CELF3: variants seen among roughly 807,000 people sequenced by gnomAD.
CELF3 encodes CAG repeat domain.
In CELF3, 26 loss-of-function variants were observed where a neutral mutation model predicts 59.6. The observed-to-expected ratio is 0.44, with a 90% CI of 0.32 to 0.61. CELF3 has a LOEUF of 0.61. CELF3 is among the 20% of genes least tolerant of loss of function. CELF3 has a pLI of 0.06. For synonymous variants in CELF3, 245 were observed against 250.7 expected (o/e 0.98, Z 0.22); for missense variants, 387 against 627.2 (o/e 0.62, Z 4.09).
chr1:151,704,894 T>A (rs1170732357), intron 12 of CELF3, 137 bp downstream of exon 12: 38 of 909,402 alleles, frequency 4.2e-5, no homozygotes, highest in Non-Finnish European at 6.0e-5. Flanking sequence ...GCCCCCTGCT[T>A]CAAGTGCCCA....
At position 151,700,392 on chromosome 1, in the gene CELF3, C is replaced by G. The variant is rs960705554; in HGVS notation, c.*3067G>C. Among the ~76,000 whole-genome samples the G allele has an allele frequency of 6.6e-6, 1 of 152,134 alleles. No homozygotes were observed. Among genetic ancestry groups the G allele is most frequent in the African/African-American group, 2.4e-5 (1 of 41,410 alleles). On this transcript the variant is annotated 3_prime_UTR_variant, in exon 13 of 13. Coordinates refer to ENST00000290583, the MANE Select transcript of CELF3 (RefSeq NM_007185.7). ...AAACATTTATTGAGCCGTTATGTGC[C>G]AGACACTGTAGTAACTGGGAATGAA...
intron 1 of CELF3, 49 bp downstream of exon 1, chr1:151,715,827 C>A: frequency 1.3e-6 from 2 of 1,596,530 alleles, no homozygotes; most frequent in Non-Finnish European, 1.7e-6. Flanking sequence ...TAACTTCCCC[C>A]AGCCTCCCAG....
chr1:151,706,279 T>A lies in CELF3; in HGVS notation c.1071A>T (p.Pro357=). Residue 357 remains proline (P), a synonymous_variant, in exon 10 of 13, where the codon CCA becomes CCT. Transcript: ENST00000290583. ...PALVAQQPPP[P]PQQQQQQQQQ... ...GCTGCTGCTGCTGCTGCTGTTGAGGTGGTGGTGGGGGCTGCTGGGCGACCA... is the reference window on the plus strand; with the variant it reads ...GCTGCTGCTGCTGCTGCTGTTGAGGAGGTGGTGGGGGCTGCTGGGCGACCA... The A allele has an allele frequency of 6.3e-7, 1 of 1,577,410 alleles. No homozygotes were observed. Among genetic ancestry groups the A allele is most frequent in the Non-Finnish European group, 8.6e-7 (1 of 1,162,572 alleles).
chr1:151,711,678 C>G (rs558858001), intron 2 of CELF3, among the ~76,000 whole-genome samples: 1 of 152,210 alleles, frequency 6.6e-6, no homozygotes, highest in East Asian at 1.9e-4. Flanking sequence ...CTCCTGTGCT[C>G]TAGCCAAAGC....
At chr1:151,704,214 G>A (rs1200360764) in intron 12 of CELF3, among the ~76,000 whole-genome samples, 1 of 152,064 alleles carries the variant, frequency 6.6e-6, no homozygotes. Flanking sequence ...CCAGGGTTGG[G>A]GGAGTTAAGC....
At chr1:151,710,103 C>T in intron 2 of CELF3, 2 of 381,864 alleles carry the variant, frequency 5.2e-6, no homozygotes, top group Non-Finnish European at 9.7e-6. Context: ...GGACCCGGGG[C>T]CTGAGAGAGA....
At chr1:151,715,623 A>G in intron 1 of CELF3, 2 of 1,471,030 alleles carry the variant, frequency 1.4e-6, no homozygotes, top group Non-Finnish European at 9.0e-7. Context: ...ACACACCCAT[A>G]TGTCTGGGAT....
chr1:151,706,551 A>T (rs1672559831), intron 9 of CELF3, 118 bp downstream of exon 9: 1 of 1,278,478 alleles, frequency 7.8e-7, no homozygotes. Context: ...TGGGCTTGTC[A>T]GTAAAGCCTG....
intron 2 of CELF3, chr1:151,710,923 A>G (rs1463140927): frequency 4.6e-6 from 2 of 434,492 alleles, no homozygotes; most frequent in Non-Finnish European, 9.4e-6. Context: ...GTGTCTGAAA[A>G]TATTTTGCTC....
At position 151,705,246 on chromosome 1, in the gene CELF3, G is replaced by T; in HGVS notation, c.1271-78C>A. On this transcript the variant is annotated intron_variant, in intron 11 of 12. Coordinates refer to ENST00000290583, the MANE Select transcript of CELF3 (RefSeq NM_007185.7). This position sits in a 1 kb window ranked among gnomAD's most constrained non-coding sequence, Gnocchi z 5.1. ...CTTAGGAGACCTCTGGCACTACCCT[G>T]TGTCTCCCAAGTGTCCCAAATGCCT... The T allele has an allele frequency of 6.8e-7, 1 of 1,480,252 alleles. No individual in the cohort carries two copies. 91.7% of individuals were successfully genotyped at this position (1,480,252 alleles called of 1,614,324 possible).
At chr1:151,710,136 T>G (rs1571924281) in intron 2 of CELF3, 1 of 298,220 alleles carries the variant, frequency 3.4e-6, no homozygotes. Context: ...AGTTATTTAA[T>G]AAGAATTGCC....
Position 151,716,055 on chromosome 1 carries a change from G to A in CELF3, c.-35C>T, listed in dbSNP as rs1251382501. 7.0e-6 allele frequency: 11 copies of A among 1,580,866 alleles called. No homozygotes were observed. In the East Asian group the frequency reaches 2.5e-4, roughly 36 times the overall value. The stretch of plus-strand genomic sequence containing the variant: ...CCAGGAGGAGGGGCCGAGGGGAGCA[G>A]GGAGAGGCCCAAAGGCCAAGGGGAG... On this transcript the variant is annotated 5_prime_UTR_variant, in exon 1 of 13. Coordinates refer to ENST00000290583, the MANE Select transcript of CELF3 (RefSeq NM_007185.7).
chr1:151,714,549 T>C (rs1349103070), intron 2 of CELF3, 45 bp downstream of exon 2: 16 of 1,441,956 alleles, frequency 1.1e-5, no homozygotes. Context: ...CTGCCACTTC[T>C]ATGGCCCTTC....
At position 151,709,156 on chromosome 1, in the gene CELF3, G is replaced by A. The variant is rs1672803867; in HGVS notation, c.406+64C>T. ...CCCGCGGTGGAACCCGATGCCTAGG[G>A]AGTCTTGGGGGTGGAACAGGAAGGG... On this transcript the variant is annotated intron_variant, in intron 4 of 12. Transcript: ENST00000290583. This position sits in a 1 kb window ranked among gnomAD's most constrained non-coding sequence, Gnocchi z 4.9. The A allele has an allele frequency of 5.0e-6, 8 of 1,606,694 alleles. No homozygotes were observed. The highest frequency in any genetic ancestry group is 6.8e-6 in the Non-Finnish European group (8 of 1,174,144).
intron 5 of CELF3, 98 bp downstream of exon 5, chr1:151,708,900 C>A (rs1354349481): frequency 8.2e-6 from 9 of 1,093,868 alleles, no homozygotes; most frequent in Non-Finnish European, 1.1e-5. Context: ...CCAATAAATT[C>A]AAATAGCCCA....
At chr1:151,711,784 C>A (rs1428981928) in intron 2 of CELF3, 1 of 152,288 alleles carries the variant, frequency 6.6e-6, no homozygotes, top group Non-Finnish European at 1.5e-5. Context: ...TTGGGGGATT[C>A]TTACGCTTGG....
chr1:151,703,490 C>G (rs940996176), intron 12 of CELF3, 42 bp from the exon 13 acceptor site: 1 of 318,210 alleles, frequency 3.1e-6, no homozygotes, highest in Non-Finnish European at 6.3e-6. Flanking sequence ...GGAAGAGACC[C>G]CCGATGCGGA....
intron 1 of CELF3, among the ~76,000 whole-genome samples, chr1:151,714,971 G>A (rs1673352099): frequency 6.6e-6 from 1 of 151,936 alleles, no homozygotes; most frequent in Non-Finnish European, 1.5e-5. Context: ...TAAGAGTAGT[G>A]TGGCTTTCTC....
intron 7 of CELF3, 61 bp downstream of exon 7, chr1:151,707,446 C>T: frequency 6.3e-7 from 1 of 1,594,100 alleles, no homozygotes; most frequent in Non-Finnish European, 8.6e-7. Context: ...GAGCAATGCC[C>T]TGTGCCCCTC....
Sources: gnomAD v4.1 joint callset for allele counts (sites outside exome capture counted in the v4.1 genomes callset) on GRCh38, gnomAD v4.1.1 for gene constraint, Gnocchi (gnomAD v3.1) non-coding constraint, MANE v1.5 for transcripts, NCBI Gene and HGNC (gene_info 2026-07-23, HGNC 2026-07-21) for gene names.